Variants in DPP10 observed in about 807,000 individuals in gnomAD.
DPP10 encodes the protein dipeptidyl peptidase like 10, also known as inactive dipeptidyl peptidase 10.
A neutral mutation model predicts 120.9 loss-of-function variants in DPP10; 33 were observed. The observed-to-expected ratio is 0.27, with a 90% CI of 0.21 to 0.37. The LOEUF (loss-of-function observed/expected upper bound fraction) is 0.37, where lower values mean the gene tolerates loss of function less well. Among genes scored for constraint, DPP10 ranks in the 10% least tolerant of loss-of-function variants. The pLI is 1.00. For synonymous variants in DPP10, 337 were observed against 326.1 expected (o/e 1.03, Z -0.36); for missense variants, 816 against 942.8 (o/e 0.87, Z 1.76).
chr2:115,580,525 C>T (rs534218175), intron 5 of DPP10, among the ~76,000 whole-genome samples: 34 of 152,166 alleles, frequency 2.2e-4, no homozygotes, highest in African/African-American at 7.9e-4. Flanking sequence ...AGTAATTCTT[C>T]CTATCTTCCT....
At chr2:115,498,633 A>G (rs1367406099) in intron 3 of DPP10, among the ~76,000 whole-genome samples, 2 of 150,866 alleles carry the variant, frequency 1.3e-5, no homozygotes, top group Non-Finnish European at 3.0e-5. Flanking sequence ...TATGATTTAA[A>G]AAGAGAACAT....
At position 115,814,817 on chromosome 2, in the gene DPP10, G is replaced by A; in HGVS notation, c.1725G>A (p.Leu575=). Residue 575 remains leucine, a synonymous_variant, in exon 20 of 26, where the codon CTG becomes CTA. Transcript: ENST00000410059. ...LIMDEEPGGQ[L]VTDKFHIDWD... The stretch of plus-strand genomic sequence containing the variant: ...GGGATGAAGAACCAGGAGGCCAGCT[G>A]GTTACAGATAAGTTCCATATTGACT... 2 of 1,563,256 alleles carry A rather than the reference G, an allele frequency of 1.3e-6. No homozygotes were observed. The highest frequency in any genetic ancestry group is 8.7e-7 in the Non-Finnish European group (1 of 1,143,680).
intron 5 of DPP10, among the ~76,000 whole-genome samples, chr2:115,561,843 C>T (rs750819875): frequency 2.0e-5 from 3 of 152,046 alleles, no homozygotes; most frequent in Non-Finnish European, 4.4e-5. Context: ...ATCGCTTTGC[C>T]GCTTCTCAAC....
rs1348092078 is a variant in DPP10 at position 115,402,885 on chromosome 2, GTGTGTGTATATATATATGTATATATA to G, written c.271+59001_271+59026del. Among the ~76,000 whole-genome samples, 6 of 137,340 alleles carry G rather than the reference GTGTGTGTATATATATATGTATATATA, an allele frequency of 4.4e-5. No homozygotes were observed. In the South Asian group the frequency reaches 1.3e-3, roughly 31 times the overall value. 90.1% of individuals were successfully genotyped at this position (137,340 alleles called of 152,430 possible). A position where few individuals can be genotyped will look rare whatever the true frequency, so the allele number is the denominator to read the frequency against. Reference sequence around the variant, plus strand: ...TATATATATATATATATGTGTGTGTGTGTGTGTATATATATATGTATATATATGTGTGTATATATATATGTATATAT... The same window carrying G: ...TATATATATATATATATGTGTGTGTGTGTGTGTATATATATATGTATATAT... On this transcript the variant is annotated intron_variant, in intron 3 of 25. Transcript: ENST00000410059.
At chr2:115,417,531 T>G (rs2069539639) in intron 3 of DPP10, among the ~76,000 whole-genome samples, 1 of 152,154 alleles carries the variant, frequency 6.6e-6, no homozygotes, top group African/African-American at 2.4e-5. Context: ...TCCCAGAACT[T>G]AACACATACT....
intron 3 of DPP10, among the ~76,000 whole-genome samples, chr2:115,494,856 ACT>A (rs758599527): frequency 9.9e-5 from 15 of 151,718 alleles, no homozygotes; most frequent in Non-Finnish European, 1.9e-4. Flanking sequence ...CTTTTTGAAA[ACT>A]CTTTCTCTAT....
intron 1 of DPP10, among the ~76,000 whole-genome samples, chr2:114,827,305 TAGG>T (rs1447600695): frequency 6.6e-6 from 1 of 152,156 alleles, no homozygotes. Context: ...GGGCAGGTAA[TAGG>T]AGATGTTTTA....
intron 3 of DPP10, among the ~76,000 whole-genome samples, chr2:115,435,267 G>A (rs2071389923): frequency 2.0e-5 from 3 of 151,708 alleles, no homozygotes; most frequent in Non-Finnish European, 4.4e-5. Context: ...TATATTGCTT[G>A]TTTTTCATAG....
chr2:114,617,548 C>T (rs1050137156), intron 1 of DPP10, among the ~76,000 whole-genome samples: 5 of 152,016 alleles, frequency 3.3e-5, no homozygotes, highest in African/African-American at 1.2e-4. Flanking sequence ...ACTTAGGACT[C>T]ATGCTAAAAT....
At chr2:114,800,128 A>G (rs2106275915) in intron 1 of DPP10, among the ~76,000 whole-genome samples, 1 of 152,340 alleles carries the variant, frequency 6.6e-6, no homozygotes, top group East Asian at 1.9e-4. Flanking sequence ...ACCACATGGT[A>G]TGTGGCTATA....
At chr2:114,829,397 T>C (rs1435770049) in intron 1 of DPP10, among the ~76,000 whole-genome samples, 2 of 147,866 alleles carry the variant, frequency 1.4e-5, no homozygotes, top group Non-Finnish European at 3.0e-5. Context: ...AATTTTTTTT[T>C]TTTGAGACAG....
intron 8 of DPP10, among the ~76,000 whole-genome samples, chr2:115,737,859 C>T (rs1175715238): frequency 6.6e-6 from 1 of 152,112 alleles, no homozygotes; most frequent in Non-Finnish European, 1.5e-5. Flanking sequence ...TTTCTAGAAA[C>T]ATCCCCGGTG....
intron 2 of DPP10, among the ~76,000 whole-genome samples, chr2:115,321,787 C>T (rs980790443): frequency 1.3e-5 from 2 of 151,878 alleles, no homozygotes; most frequent in African/African-American, 4.8e-5. Flanking sequence ...CTGGTTCTTT[C>T]TTCTGCCTGC....
chr2:115,068,429 T>C lies in DPP10; in HGVS notation c.61-240810T>C, dbSNP rs142152145. The stretch of plus-strand genomic sequence containing the variant: ...ATTTTTTAATTAGGTTATTTGTTTT[T>C]GCTGTTGAGATCTTTGAATTCCTTA... On this transcript the variant is annotated intron_variant, in intron 1 of 25. Coordinates refer to ENST00000410059, the MANE Select transcript of DPP10 (RefSeq NM_020868.6). Among the ~76,000 whole-genome samples, 509 of 152,336 alleles carry C rather than the reference T, an allele frequency of 3.3e-3. 6 individuals are homozygous for C. The highest frequency in any genetic ancestry group is 0.012 in the African/African-American group (486 of 41,580).
intron 1 of DPP10, among the ~76,000 whole-genome samples, chr2:115,128,749 C>A (rs2050196525): frequency 1.3e-5 from 2 of 152,128 alleles, no homozygotes; most frequent in Non-Finnish European, 2.9e-5. Flanking sequence ...GAATAATGTC[C>A]TGCAGAAGAT....
chr2:115,300,278 G>T (rs529888440), intron 1 of DPP10, among the ~76,000 whole-genome samples: 6 of 152,088 alleles, frequency 3.9e-5, no homozygotes, highest in African/African-American at 1.4e-4. Flanking sequence ...CTGTCTCTAA[G>T]TATTTGACTA....
intron 1 of DPP10, among the ~76,000 whole-genome samples, chr2:115,153,352 C>A (rs2051691119): frequency 6.6e-6 from 1 of 152,210 alleles, no homozygotes; most frequent in Non-Finnish European, 1.5e-5. Flanking sequence ...CAAAACCTCT[C>A]CTAGTTCCAC....
intron 1 of DPP10, among the ~76,000 whole-genome samples, chr2:114,775,362 A>G (rs1681634087): frequency 6.6e-6 from 1 of 152,108 alleles, no homozygotes; most frequent in African/African-American, 2.4e-5. Context: ...AGCCCTTTCT[A>G]GTTCTGAATT....
At chr2:114,574,183 G>A (rs1017933504) in intron 1 of DPP10, among the ~76,000 whole-genome samples, 13 of 152,080 alleles carry the variant, frequency 8.5e-5, no homozygotes, top group African/African-American at 1.2e-4. Context: ...TATATTACCC[G>A]CCTCATGTGA....
Sources: allele counts gnomAD v4.1 joint callset (sites outside exome capture counted in the v4.1 genomes callset), GRCh38; gene constraint gnomAD v4.1.1; transcripts MANE v1.5; gene names NCBI Gene and HGNC (gene_info 2026-07-23, HGNC 2026-07-21).